TNPO3: variants seen among roughly 807,000 people sequenced by gnomAD.
The protein encoded by TNPO3 is transportin 3.
A neutral mutation model predicts 122.8 loss-of-function variants in TNPO3; 65 were observed. That is an observed-to-expected ratio of 0.53 (90% CI 0.43 to 0.65). The LOEUF (loss-of-function observed/expected upper bound fraction) is 0.65, where lower values mean the gene tolerates loss of function less well. Ranked by LOEUF, TNPO3 falls within the 30% of genes least tolerant of loss-of-function variation. The pLI is 0.00. For synonymous variants in TNPO3, 372 were observed against 411.2 expected (o/e 0.90, Z 1.15); for missense variants, 850 against 1,136.7 (o/e 0.75, Z 3.63).
chr7:129,005,253 G>A, intron 4 of TNPO3, 94 bp from the exon 5 acceptor site: 3 of 1,216,086 alleles, frequency 2.5e-6, no homozygotes, highest in African/African-American at 1.6e-5. Context: ...TGAGAAAGAT[G>A]GCAATAAAAC....
At chr7:129,005,348 C>A (rs1802452900) in intron 4 of TNPO3, among the ~76,000 whole-genome samples, 189 bp from the exon 5 acceptor site, 1 of 151,852 alleles carries the variant, frequency 6.6e-6, no homozygotes, top group African/African-American at 2.4e-5. Context: ...GCTACATTGC[C>A]CAGGCAGGAC....
intron 7 of TNPO3, among the ~76,000 whole-genome samples, chr7:128,997,895 TG>T (rs2150369549): frequency 6.6e-6 from 1 of 152,164 alleles, no homozygotes; most frequent in South Asian, 2.1e-4. Flanking sequence ...TAGAGTGCAG[TG>T]GAATGAACAC....
At chr7:129,006,790 T>C (rs541400972) in intron 4 of TNPO3, among the ~76,000 whole-genome samples, 48 of 152,296 alleles carry the variant, frequency 3.2e-4, no homozygotes, top group Middle Eastern at 3.4e-3. Flanking sequence ...ATTATTGTGC[T>C]CCAAAGAATG....
At chr7:128,981,930 A>G (rs1799665813) in intron 14 of TNPO3, among the ~76,000 whole-genome samples, 1 of 152,078 alleles carries the variant, frequency 6.6e-6, no homozygotes, top group Admixed American at 6.6e-5. Flanking sequence ...GGGTTTTGCC[A>G]CGTTGCCCAG....
chr7:129,021,509 T>C (rs1049241175), intron 1 of TNPO3, among the ~76,000 whole-genome samples: 3 of 151,598 alleles, frequency 2.0e-5, no homozygotes, highest in African/African-American at 4.8e-5. Context: ...AAAACTGCTA[T>C]GAAAAAAAAC....
intron 19 of TNPO3, 136 bp from the exon 20 acceptor site, chr7:128,970,451 T>C: frequency 2.9e-6 from 2 of 691,048 alleles, no homozygotes; most frequent in Non-Finnish European, 4.6e-6. Context: ...TGTGTGTGTG[T>C]ATGCAGGTGT....
chr7:128,962,137 G>T (rs76576038), intron 21 of TNPO3, among the ~76,000 whole-genome samples: 1 of 151,688 alleles, frequency 6.6e-6, no homozygotes, highest in African/African-American at 2.4e-5. Flanking sequence ...AGGCCGAGGC[G>T]GATGGATCAT....
At chr7:129,019,937 A>C (rs544080325) in intron 1 of TNPO3, among the ~76,000 whole-genome samples, 17 of 152,130 alleles carry the variant, frequency 1.1e-4, no homozygotes, top group African/African-American at 3.9e-4. Context: ...CAGAGGTTGC[A>C]GTGAGCCGAG....
chr7:128,997,043 C>T (rs952965644), intron 8 of TNPO3, among the ~76,000 whole-genome samples: 4 of 151,616 alleles, frequency 2.6e-5, no homozygotes, highest in African/African-American at 9.7e-5. Context: ...CCTAAATAGA[C>T]CTAACAGATT....
chr7:128,954,903 C>T lies in TNPO3; in HGVS notation c.*514G>A, dbSNP rs1796760529. On this transcript the variant is annotated 3_prime_UTR_variant, in exon 23 of 23. Transcript: ENST00000265388. ...GACCCTGACCCTCTTCTTCCAATTG[C>T]AGCTATTTAATTCATGTGAATCCCC... 1 of 159,996 alleles carries T rather than the reference C, an allele frequency of 6.3e-6. No individual in the cohort carries two copies. Among genetic ancestry groups the T allele is most frequent in the Admixed American group, 6.1e-5 (1 of 16,308 alleles). 9.9% of individuals were successfully genotyped at this position (159,996 alleles called of 1,614,324 possible).
rs891112279 is a variant in TNPO3 at position 128,982,265 on chromosome 7, G to A, written c.1842C>T (p.Arg614=). ...ISSDPTVFLD[R]LAVIFRHTNP... Reference sequence around the variant, plus strand: ...TTTCTTACCTAAATATCACTGCAAGGCGATCTAAGAACACTGTGGGATCTG... The same window carrying A: ...TTTCTTACCTAAATATCACTGCAAGACGATCTAAGAACACTGTGGGATCTG... The change falls in exon 14 of 23, where the codon CGC becomes CGT. Residue 614 remains arginine (R), a synonymous_variant. Coordinates refer to ENST00000265388, the MANE Select transcript of TNPO3 (RefSeq NM_012470.4). 6.2e-7 allele frequency: 1 copy of A among 1,613,058 alleles called. No individual in the cohort carries two copies. The highest frequency in any genetic ancestry group is 2.2e-5 in the East Asian group (1 of 44,830).
intron 4 of TNPO3, among the ~76,000 whole-genome samples, chr7:129,011,604 A>G (rs1803207011): frequency 6.6e-6 from 1 of 152,016 alleles, no homozygotes; most frequent in Non-Finnish European, 1.5e-5. Context: ...GGCCTCCCAA[A>G]GTGCTGGGAT....
chr7:129,040,138 C>T (rs1363624896), intron 1 of TNPO3, among the ~76,000 whole-genome samples: 1 of 151,916 alleles, frequency 6.6e-6, no homozygotes, highest in Non-Finnish European at 1.5e-5. Context: ...ACTTGTAATC[C>T]CAGCTACTCA....
intron 22 of TNPO3, among the ~76,000 whole-genome samples, chr7:128,956,725 A>G (rs1426935473): frequency 6.6e-6 from 1 of 152,192 alleles, no homozygotes; most frequent in East Asian, 1.9e-4. Context: ...GGGATATTCA[A>G]TTCATACCTC....
At chr7:129,014,410 C>T (rs1027748895) in intron 4 of TNPO3, among the ~76,000 whole-genome samples, 1 of 152,146 alleles carries the variant, frequency 6.6e-6, no homozygotes, top group Admixed American at 6.6e-5. Context: ...GTAGTCCCAG[C>T]TACTCAGGAG....
chr7:129,033,603 A>G (rs1274376352), intron 1 of TNPO3, among the ~76,000 whole-genome samples: 1 of 152,202 alleles, frequency 6.6e-6, no homozygotes, highest in Non-Finnish European at 1.5e-5. Flanking sequence ...TTCTGGCTAT[A>G]TATCTAAAAG....
At chr7:128,970,438 C>CTGTG in intron 19 of TNPO3, 123 bp from the exon 20 acceptor site, 1 of 825,806 alleles carries the variant, frequency 1.2e-6, no homozygotes, top group Non-Finnish European at 1.8e-6. Flanking sequence ...GCACGCGTGG[C>CTGTG]TGTGTGTGTG....
chr7:128,986,704 T>C (rs1217325354), intron 12 of TNPO3, 25 bp downstream of exon 12: 1 of 1,594,246 alleles, frequency 6.3e-7, no homozygotes, highest in Non-Finnish European at 8.5e-7. Flanking sequence ...GAGGTGACTA[T>C]TAGTGGTTAA....
chr7:129,054,593 C>CCT, intron 1 of TNPO3, 58 bp downstream of exon 1: 4 of 1,603,628 alleles, frequency 2.5e-6, no homozygotes, highest in African/African-American at 1.3e-5. Flanking sequence ...TCCCCCGGAG[C>CCT]CTAGGTTCCA....
Sources: gnomAD v4.1 joint callset for allele counts (sites outside exome capture counted in the v4.1 genomes callset) on GRCh38, gnomAD v4.1.1 for gene constraint, MANE v1.5 for transcripts, NCBI Gene and HGNC (gene_info 2026-07-23, HGNC 2026-07-21) for gene names.